The following PLD5 variants were observed in gnomAD, a reference collection of about 807,000 sequenced individuals.
PLD5 encodes the protein phospholipase D family member 5.
Under a neutral mutation model 61.1 loss-of-function variants are expected in PLD5, and 36 were observed. That is an observed-to-expected ratio of 0.59 (90% CI 0.45 to 0.78). The LOEUF is 0.78. Among genes scored for constraint, PLD5 ranks in the 30% least tolerant of loss-of-function variants. The pLI is 0.00. For synonymous variants in PLD5, 243 were observed against 242.8 expected (o/e 1.00, Z -0.01); for missense variants, 515 against 644.4 (o/e 0.80, Z 2.17).
intron 1 of PLD5, among the ~76,000 whole-genome samples, chr1:242,417,964 T>C (rs558051208): frequency 6.6e-6 from 1 of 152,274 alleles, no homozygotes; most frequent in African/African-American, 2.4e-5. Context: ...AGTGATGTCA[T>C]GTAGTTATCA....
chr1:242,334,050 A>G (rs754034422), intron 2 of PLD5, among the ~76,000 whole-genome samples: 13 of 152,194 alleles, frequency 8.5e-5, no homozygotes, highest in Non-Finnish European at 1.9e-4. Context: ...GTAGAGAACT[A>G]TATGTTTTTA....
chr1:242,378,958 C>A (rs1662129319), intron 1 of PLD5, among the ~76,000 whole-genome samples: 7 of 152,170 alleles, frequency 4.6e-5, no homozygotes, highest in Admixed American at 2.6e-4. Flanking sequence ...AGGTCTCTCC[C>A]TAAATAATCC....
chr1:242,247,217 C>T (rs904473232), intron 4 of PLD5, among the ~76,000 whole-genome samples: 1 of 152,128 alleles, frequency 6.6e-6, no homozygotes, highest in Non-Finnish European at 1.5e-5. Context: ...CTCCTGACCT[C>T]GTGATCCGCC....
intron 7 of PLD5, among the ~76,000 whole-genome samples, chr1:242,111,735 A>G (rs1661519824): frequency 6.6e-6 from 1 of 152,192 alleles, no homozygotes; most frequent in South Asian, 2.1e-4. Flanking sequence ...ATTTAATTAT[A>G]ATCTTGATGC....
At chr1:242,450,651 G>A (rs1666742827) in intron 1 of PLD5, among the ~76,000 whole-genome samples, 1 of 152,150 alleles carries the variant, frequency 6.6e-6, no homozygotes, top group African/African-American at 2.4e-5. Context: ...TATAATTTGT[G>A]CTGATGGCCT....
intron 5 of PLD5, among the ~76,000 whole-genome samples, chr1:242,203,321 C>T (rs1669104465): frequency 6.6e-6 from 1 of 152,162 alleles, no homozygotes; most frequent in African/African-American, 2.4e-5. Context: ...TTTTTTCCGC[C>T]ATGAAGCTTT....
chr1:242,149,664 TACACATACACACACACAC>T (rs1664788241), intron 5 of PLD5, among the ~76,000 whole-genome samples: 1 of 137,882 alleles, frequency 7.3e-6, no homozygotes, highest in Non-Finnish European at 1.5e-5. Flanking sequence ...TTAAGTTTTA[TACACATACACACACACAC>T]ACACACACAC....
At chr1:242,202,575 G>C (rs1158223348) in intron 5 of PLD5, among the ~76,000 whole-genome samples, 1 of 152,280 alleles carries the variant, frequency 6.6e-6, no homozygotes, top group East Asian at 1.9e-4. Flanking sequence ...ACTCGAGAGA[G>C]GCTGGATGGC....
intron 2 of PLD5, among the ~76,000 whole-genome samples, chr1:242,336,360 A>C (rs112720625): frequency 6.6e-6 from 1 of 152,290 alleles, no homozygotes; most frequent in African/African-American, 2.4e-5. Flanking sequence ...AAAGATCTCC[A>C]TTGTGGCACT....
chr1:242,324,300 C>T (rs1658611321), intron 2 of PLD5, among the ~76,000 whole-genome samples: 1 of 152,192 alleles, frequency 6.6e-6, no homozygotes, highest in Non-Finnish European at 1.5e-5. Flanking sequence ...TTAGAATGAA[C>T]AAAGGCAGTA....
At chr1:242,514,693 G>A (rs1488290180) in intron 1 of PLD5, among the ~76,000 whole-genome samples, 1 of 152,206 alleles carries the variant, frequency 6.6e-6, no homozygotes, top group South Asian at 2.1e-4. Context: ...TTATTAAAGA[G>A]TGAGTAGTTT....
chr1:242,087,605 C>G lies in PLD5; in HGVS notation c.*2249G>C, dbSNP rs912189431. 6.6e-6 allele frequency: 1 copy of G among 151,378 alleles called. No homozygotes were observed. The highest frequency in any genetic ancestry group is 2.4e-5 in the African/African-American group (1 of 41,232). The allele number at this position is 151,378 out of a possible 1,614,324, so 9.4% of individuals were successfully genotyped here. On this transcript the variant is annotated 3_prime_UTR_variant, in exon 10 of 10. Transcript: ENST00000536534. ...CCACTCCTATTCTGATTCCTTCTTT[C>G]CTTTCTGTATTTATTTATTTTTAGA...
At chr1:242,432,390 C>T (rs1339276489) in intron 1 of PLD5, among the ~76,000 whole-genome samples, 2 of 152,158 alleles carry the variant, frequency 1.3e-5, no homozygotes, top group Admixed American at 6.5e-5. Flanking sequence ...GGCGAGGCTG[C>T]CAACGTAGGG....
At chr1:242,292,645 A>G (rs1446999445) in intron 2 of PLD5, among the ~76,000 whole-genome samples, 1 of 152,220 alleles carries the variant, frequency 6.6e-6, no homozygotes, top group African/African-American at 2.4e-5. Context: ...GTCACTAACT[A>G]AAATGTAAAT....
intron 1 of PLD5, among the ~76,000 whole-genome samples, chr1:242,405,420 A>G (rs1369980497): frequency 2.0e-5 from 3 of 152,086 alleles, no homozygotes; most frequent in Non-Finnish European, 4.4e-5. Context: ...CCTACAATGC[A>G]CAGGATAGCA....
At chr1:242,344,030 C>A (rs3905158) in intron 2 of PLD5, among the ~76,000 whole-genome samples, 132,634 of 152,154 alleles carry the variant, frequency 0.87, 58,413 homozygotes, top group Non-Finnish European at 0.94. Flanking sequence ...GGAAGACAGT[C>A]TGCTGTAAGT....
At chr1:242,304,960 G>T (rs1676264211) in intron 2 of PLD5, among the ~76,000 whole-genome samples, 1 of 152,064 alleles carries the variant, frequency 6.6e-6, no homozygotes. Flanking sequence ...AAAAACATTA[G>T]CTGGGCATGG....
intron 4 of PLD5, among the ~76,000 whole-genome samples, chr1:242,230,807 G>C (rs901855769): frequency 6.6e-6 from 1 of 152,102 alleles, no homozygotes; most frequent in Non-Finnish European, 1.5e-5. Context: ...TCTCTCACAG[G>C]TTGCTTTGAT....
At chr1:242,104,581 A>C (rs922889759) in intron 8 of PLD5, among the ~76,000 whole-genome samples, 3 of 152,170 alleles carry the variant, frequency 2.0e-5, no homozygotes, top group African/African-American at 7.2e-5. Flanking sequence ...TTGCCCCATT[A>C]CTCACTAGTG....
Sources: allele counts gnomAD v4.1 joint callset (sites outside exome capture counted in the v4.1 genomes callset), GRCh38; gene constraint gnomAD v4.1.1; transcripts MANE v1.5; gene names NCBI Gene and HGNC (gene_info 2026-07-23, HGNC 2026-07-21).